PIAS2: variants seen among roughly 807,000 people sequenced by gnomAD.
PIAS2 encodes the protein E3 SUMO-protein ligase PIAS2.
PIAS2 carries 19 observed loss-of-function variants against 69.7 expected under a neutral mutation model. The observed-to-expected ratio is 0.27, with a 90% CI of 0.19 to 0.40. The LOEUF (loss-of-function observed/expected upper bound fraction) is 0.40, where lower values mean the gene tolerates loss of function less well. Ranked by LOEUF, PIAS2 falls within the 10% of genes least tolerant of loss-of-function variation. PIAS2 has a pLI of 1.00. For synonymous variants in PIAS2, 261 were observed against 263.2 expected, an observed-to-expected ratio of 0.99 and a Z score of 0.08; for missense variants, 624 against 757.0, an observed-to-expected ratio of 0.82 and a Z score of 2.06.
chr18:46,906,598 C>T (rs2056624915), intron 1 of PIAS2, among the ~76,000 whole-genome samples: 1 of 152,000 alleles, frequency 6.6e-6, no homozygotes. Context: ...ATTTGCAATA[C>T]TTTAACTGAA....
intron 2 of PIAS2, 141 bp downstream of exon 2, chr18:46,890,439 G>T: frequency 1.7e-6 from 1 of 598,892 alleles, no homozygotes; most frequent in Non-Finnish European, 2.9e-6. Context: ...CATGGTTGCC[G>T]AATTTTTATC....
At chr18:46,880,629 C>G (rs2052078986) in intron 2 of PIAS2, among the ~76,000 whole-genome samples, 1 of 152,070 alleles carries the variant, frequency 6.6e-6, no homozygotes, top group Admixed American at 6.6e-5. Flanking sequence ...AAAATTGGGA[C>G]AAAAAATTTA....
At position 46,910,914 on chromosome 18, in the gene PIAS2, T is replaced by C. The variant is rs78527086; in HGVS notation, c.24+6408A>G. Among the ~76,000 whole-genome samples the C allele has an allele frequency of 5.3e-3, 803 of 152,230 alleles. 6 individuals carry two copies. The highest frequency in any genetic ancestry group is 7.9e-3 in the Non-Finnish European group (539 of 68,018). On this transcript the variant is annotated intron_variant, in intron 1 of 13. Transcript: ENST00000585916. The stretch of plus-strand genomic sequence containing the variant: ...ACTCAGAAAGTTTATCACCAGCATA[T>C]CCTTCCAGAAACAACTATTGAAGGC...
At chr18:46,914,817 T>C (rs529246241) in intron 1 of PIAS2, among the ~76,000 whole-genome samples, 11 of 152,218 alleles carry the variant, frequency 7.2e-5, no homozygotes, top group Non-Finnish European at 1.6e-4. Flanking sequence ...GCCAAGAAGT[T>C]AGCCAACAAA....
intron 1 of PIAS2, among the ~76,000 whole-genome samples, chr18:46,898,014 G>A (rs533483823): frequency 6.6e-6 from 1 of 151,980 alleles, no homozygotes; most frequent in African/African-American, 2.4e-5. Context: ...TGGGAGGCCA[G>A]CCCAGTTAAT....
intron 1 of PIAS2, among the ~76,000 whole-genome samples, chr18:46,913,350 G>A (rs1480252696): frequency 6.6e-6 from 1 of 152,042 alleles, no homozygotes; most frequent in Non-Finnish European, 1.5e-5. Context: ...ACCCAAATCT[G>A]ATCTTCGAAT....
chr18:46,910,619 GA>G (rs1728107086), intron 1 of PIAS2, among the ~76,000 whole-genome samples: 1 of 152,052 alleles, frequency 6.6e-6, no homozygotes, highest in South Asian at 2.1e-4. Context: ...ATAAATTAAA[GA>G]TAACTACTGA....
chr18:46,807,370 TATA>T lies in PIAS2; in HGVS notation c.*5060_*5062del. ...ATGTCAGATTTTATATATATATATA[TATA>T]TATATATATATTTTTTTTTTTTTTT... On this transcript the variant is annotated 3_prime_UTR_variant, in exon 14 of 14. Coordinates refer to ENST00000585916, the MANE Select transcript of PIAS2 (RefSeq NM_004671.5). The T allele has an allele frequency of 7.1e-5, 2 of 28,314 alleles. No individual in the cohort carries two copies. Among genetic ancestry groups the T allele is most frequent in the East Asian group, 4.9e-4 (1 of 2,032 alleles). The allele number at this position is 28,314 out of a possible 1,614,324, so 1.8% of individuals were successfully genotyped here.
At chr18:46,879,741 T>C (rs1391802830) in intron 2 of PIAS2, among the ~76,000 whole-genome samples, 1 of 152,028 alleles carries the variant, frequency 6.6e-6, no homozygotes, top group African/African-American at 2.4e-5. Flanking sequence ...GGAAAAAAAA[T>C]CTGACATGTT....
rs1166404079 is a variant in PIAS2, at chr18:46,806,537, G to T, written c.*5896C>A. ...CATGCCCTAATTTTTTGTATTTTTAGTAGAGATGGGGTTTTACCAAGTTGG... is the reference window on the plus strand; with the variant it reads ...CATGCCCTAATTTTTTGTATTTTTATTAGAGATGGGGTTTTACCAAGTTGG... On this transcript the variant is annotated 3_prime_UTR_variant, in exon 14 of 14. Coordinates refer to ENST00000585916, the MANE Select transcript of PIAS2 (RefSeq NM_004671.5). 6.6e-6 allele frequency: 1 copy of T among 151,488 alleles called. No individual in the cohort carries two copies. Among genetic ancestry groups the T allele is most frequent in the Non-Finnish European group, 1.5e-5 (1 of 67,912 alleles). 9.4% of individuals were successfully genotyped at this position (151,488 alleles called of 1,614,324 possible). A position where few individuals can be genotyped will look rare whatever the true frequency, so the allele number is the denominator to read the frequency against.
intron 1 of PIAS2, among the ~76,000 whole-genome samples, chr18:46,906,536 A>G (rs2056618405): frequency 6.6e-6 from 1 of 152,188 alleles, no homozygotes; most frequent in South Asian, 2.1e-4. Flanking sequence ...TAAAAAGTTA[A>G]TATTTATGAT....
At chr18:46,830,937 C>T (rs1172669770) in intron 9 of PIAS2, among the ~76,000 whole-genome samples, 1 of 152,080 alleles carries the variant, frequency 6.6e-6, no homozygotes, top group Admixed American at 6.6e-5. Flanking sequence ...CAAAACAAAT[C>T]CAACAACAAA....
At chr18:46,880,719 C>T (rs2052095125) in intron 2 of PIAS2, among the ~76,000 whole-genome samples, 1 of 152,212 alleles carries the variant, frequency 6.6e-6, no homozygotes, top group Admixed American at 6.5e-5. Flanking sequence ...CATTCTCATA[C>T]AGTTGTAACA....
rs1252600942 is a variant in PIAS2, at chr18:46,829,828, A to G, written c.1242T>C (p.Asp414=). 1.3e-5 allele frequency: 21 copies of G among 1,611,614 alleles called. No individual in the cohort carries two copies. The highest frequency in any genetic ancestry group is 1.7e-5 in the Non-Finnish European group (20 of 1,177,890). ...AACCATCTTCTTGGAATTTGATCTCATCTACATCAGAACAGTCATTGAGAA... is the reference window on the plus strand; with the variant it reads ...AACCATCTTCTTGGAATTTGATCTCGTCTACATCAGAACAGTCATTGAGAA... The part of the protein sequence containing the change: ...MEILNDCSDV[D]EIKFQEDGSW... The change falls in exon 10 of 14, where the codon GAT becomes GAC. Residue 414 remains aspartate, a synonymous_variant. Coordinates refer to ENST00000585916, the MANE Select transcript of PIAS2 (RefSeq NM_004671.5).
chr18:46,888,586 C>A (rs910140982), intron 2 of PIAS2, among the ~76,000 whole-genome samples: 2 of 152,134 alleles, frequency 1.3e-5, no homozygotes, highest in Non-Finnish European at 2.9e-5. Context: ...ACCTTTTTGG[C>A]CAGGACCAGT....
chr18:46,809,454 GAT>G lies in PIAS2; in HGVS notation c.*2977_*2978del, dbSNP rs2040865983. 6.6e-6 allele frequency: 1 copy of G among 152,126 alleles called. No individual in the cohort carries two copies. Among genetic ancestry groups the G allele is most frequent in the South Asian group, 2.1e-4 (1 of 4,826 alleles). The allele number at this position is 152,126 out of a possible 1,614,324, so 9.4% of individuals were successfully genotyped here. Reference sequence around the variant, plus strand: ...GCCTTCATAGTTCTAAGTGAAGAAAGATAAAAACATTTTATTTTGGCCAGGCG... The same window carrying G: ...GCCTTCATAGTTCTAAGTGAAGAAAGAAAAACATTTTATTTTGGCCAGGCG... On this transcript the variant is annotated 3_prime_UTR_variant, in exon 14 of 14. Transcript: ENST00000585916.
At chr18:46,835,405 G>GTC (rs1334166534) in intron 9 of PIAS2, among the ~76,000 whole-genome samples, 1 of 152,120 alleles carries the variant, frequency 6.6e-6, no homozygotes, top group East Asian at 1.9e-4. Flanking sequence ...GAACATTAAA[G>GTC]TCCCATTCAC....
rs371698694 is a variant in PIAS2, at chr18:46,879,424, AG to A, written c.499+11155del. Among the ~76,000 whole-genome samples, 322 of 152,310 alleles carry A rather than the reference AG, an allele frequency of 2.1e-3. 2 individuals are homozygous for A. Among genetic ancestry groups the A allele is most frequent in the African/African-American group, 7.3e-3 (305 of 41,570 alleles). On this transcript the variant is annotated intron_variant, in intron 2 of 13. Transcript: ENST00000585916. ...AATAATAGTAAGTGCAGATGAGGAC[AG>A]GGAGAAACTGGAACCCCTGTGCACT...
intron 13 of PIAS2, among the ~76,000 whole-genome samples, chr18:46,813,406 C>T (rs1215323432): frequency 1.3e-5 from 2 of 152,080 alleles, no homozygotes; most frequent in African/African-American, 4.8e-5. Flanking sequence ...CTAATATTAA[C>T]AGAGGAGTGA....
Sources: gnomAD v4.1 joint callset for allele counts (sites outside exome capture counted in the v4.1 genomes callset) on GRCh38, gnomAD v4.1.1 for gene constraint, MANE v1.5 for transcripts, NCBI Gene and HGNC (gene_info 2026-07-23, HGNC 2026-07-21) for gene names.